PCED1B: variants seen among roughly 807,000 people sequenced by gnomAD.
PCED1B encodes PC-esterase domain-containing protein 1B.
For synonymous variants in PCED1B, 251 were observed against 246.1 expected (o/e 1.02, Z -0.19); for missense variants, 573 against 573.9 (o/e 1.00, Z 0.02).
intron 2 of PCED1B, among the ~76,000 whole-genome samples, chr12:47,149,750 G>C (rs897086617): frequency 9.8e-5 from 15 of 152,294 alleles, no homozygotes; most frequent in African/African-American, 3.6e-4. Context: ...TATAAGGACA[G>C]GCAGCTGTTA....
intron 1 of PCED1B, among the ~76,000 whole-genome samples, chr12:47,084,623 A>AT (rs2137143090): frequency 6.6e-6 from 1 of 152,176 alleles, no homozygotes; most frequent in South Asian, 2.1e-4. Context: ...TTGGACTGGG[A>AT]TTTTTAGCTA....
At chr12:47,145,130 T>C (rs1940736429) in intron 2 of PCED1B, among the ~76,000 whole-genome samples, 1 of 152,172 alleles carries the variant, frequency 6.6e-6, no homozygotes, top group Non-Finnish European at 1.5e-5. Context: ...ATTGCTGATA[T>C]GGAAAATATT....
rs548622144 is a variant in PCED1B at position 47,142,533 on chromosome 12, G to C, written c.-526+38338G>C. Among the ~76,000 whole-genome samples, 8 of 151,666 alleles carry C rather than the reference G, an allele frequency of 5.3e-5. No individual in the cohort carries two copies. In the East Asian group the frequency reaches 1.6e-3, roughly 29 times the overall value. On this transcript the variant is annotated intron_variant, in intron 2 of 3. Coordinates refer to ENST00000546455, the MANE Select transcript of PCED1B (RefSeq NM_138371.3). ...TATTCAAAATTATTATCTTAAAAAA[G>C]CTCAATGAGATGCAAGAGAACACAA...
intron 1 of PCED1B, among the ~76,000 whole-genome samples, chr12:47,097,391 T>C (rs561664409): frequency 1.5e-4 from 23 of 152,234 alleles, no homozygotes; most frequent in African/African-American, 5.1e-4. Flanking sequence ...AGAGCAAACA[T>C]AGGGAGTTTC....
intron 2 of PCED1B, among the ~76,000 whole-genome samples, chr12:47,123,327 C>G (rs1939756430): frequency 6.6e-6 from 1 of 152,128 alleles, no homozygotes; most frequent in Admixed American, 6.6e-5. Context: ...TCTAATTGCT[C>G]CTTCTAGCCA....
intron 1 of PCED1B, among the ~76,000 whole-genome samples, chr12:47,097,857 C>T (rs1239769577): frequency 1.3e-5 from 2 of 152,220 alleles, no homozygotes; most frequent in Non-Finnish European, 2.9e-5. Flanking sequence ...GGCCGTGCCA[C>T]CATTACAGCA....
At chr12:47,216,995 A>G (rs532444654) in intron 3 of PCED1B, among the ~76,000 whole-genome samples, 12 of 152,236 alleles carry the variant, frequency 7.9e-5, no homozygotes, top group Non-Finnish European at 1.5e-4. Flanking sequence ...GTGGTTGACC[A>G]CAAAGGCTTG....
At chr12:47,187,208 C>T (rs768409242) in intron 2 of PCED1B, among the ~76,000 whole-genome samples, 1 of 152,060 alleles carries the variant, frequency 6.6e-6, no homozygotes, top group South Asian at 2.1e-4. Flanking sequence ...GTGAAAGATC[C>T]AGGTGGATAG....
chr12:47,104,906 C>A (rs1938877058), intron 2 of PCED1B, among the ~76,000 whole-genome samples: 1 of 152,194 alleles, frequency 6.6e-6, no homozygotes, highest in African/African-American at 2.4e-5. Context: ...AGGAAGCCGG[C>A]TCGCCCCGGG....
intron 2 of PCED1B, among the ~76,000 whole-genome samples, chr12:47,156,879 C>T (rs1357757257): frequency 1.3e-5 from 2 of 152,052 alleles, no homozygotes; most frequent in African/African-American, 4.8e-5. Context: ...CATTTGACCT[C>T]TCTAAGCCTC....
chr12:47,103,357 A>T (rs1019180396), intron 1 of PCED1B, among the ~76,000 whole-genome samples: 4 of 151,232 alleles, frequency 2.6e-5, no homozygotes, highest in Admixed American at 2.0e-4. Flanking sequence ...AGCACCAATC[A>T]CCCTGTGCTC....
At chr12:47,134,866 C>T (rs1432266962) in intron 2 of PCED1B, among the ~76,000 whole-genome samples, 1 of 152,170 alleles carries the variant, frequency 6.6e-6, no homozygotes, top group African/African-American at 2.4e-5. Flanking sequence ...GACTCTATCT[C>T]AAAAAGATAT....
chr12:47,129,475 C>T (rs536767494), intron 2 of PCED1B, among the ~76,000 whole-genome samples: 3 of 151,784 alleles, frequency 2.0e-5, no homozygotes, highest in East Asian at 1.9e-4. Flanking sequence ...GGTGGCAGAG[C>T]GAGACCCTGT....
chr12:47,211,059 A>G (rs1565603445), intron 2 of PCED1B, among the ~76,000 whole-genome samples: 2 of 152,186 alleles, frequency 1.3e-5, no homozygotes, highest in Non-Finnish European at 2.9e-5. Flanking sequence ...CGCTATTTTC[A>G]TTTTCATGTT....
intron 2 of PCED1B, among the ~76,000 whole-genome samples, chr12:47,193,124 T>C (rs574102102): frequency 1.3e-5 from 2 of 152,366 alleles, no homozygotes; most frequent in South Asian, 2.1e-4. Flanking sequence ...AGCTGTATTC[T>C]ATTTGTCTTA....
chr12:47,194,315 C>T (rs1942535321), intron 2 of PCED1B, among the ~76,000 whole-genome samples: 1 of 152,204 alleles, frequency 6.6e-6, no homozygotes, highest in Admixed American at 6.5e-5. Flanking sequence ...GCTGGGATTA[C>T]AGGCGCGCAG....
chr12:47,193,542 C>A (rs964360734), intron 2 of PCED1B, among the ~76,000 whole-genome samples: 5 of 152,098 alleles, frequency 3.3e-5, no homozygotes, highest in Non-Finnish European at 7.3e-5. Flanking sequence ...TTTTGGCTGA[C>A]CCCCAAAACA....
intron 1 of PCED1B, among the ~76,000 whole-genome samples, chr12:47,083,841 C>T (rs2137139911): frequency 6.6e-6 from 1 of 152,290 alleles, no homozygotes; most frequent in Admixed American, 6.5e-5. Flanking sequence ...AATGGGGCTA[C>T]TCTTTAAGCA....
chr12:47,092,855 C>T (rs1938325578), intron 1 of PCED1B, among the ~76,000 whole-genome samples: 1 of 152,028 alleles, frequency 6.6e-6, no homozygotes, highest in Non-Finnish European at 1.5e-5. Flanking sequence ...TTGGACTGAA[C>T]TTGCACTCCA....
Sources: allele counts gnomAD v4.1 joint callset (sites outside exome capture counted in the v4.1 genomes callset), GRCh38; gene constraint gnomAD v4.1.1; transcripts MANE v1.5; gene names NCBI Gene and HGNC (gene_info 2026-07-23, HGNC 2026-07-21).